Variants in VPS35 observed in about 807,000 individuals in gnomAD.
VPS35 encodes the protein vacuolar protein sorting-associated protein 35.
VPS35 carries 21 observed loss-of-function variants against 98.1 expected under a neutral mutation model. That is an observed-to-expected ratio of 0.21 (90% CI 0.15 to 0.31). The LOEUF (loss-of-function observed/expected upper bound fraction) is 0.31. Ranked by LOEUF, VPS35 falls within the 10% of genes least tolerant of loss-of-function variation. The pLI, the probability that VPS35 is intolerant of heterozygous loss-of-function variation, is 1.00. For missense variants in VPS35, 554 were observed against 950.8 expected (o/e 0.58, Z 5.49); for synonymous variants, 268 against 318.2 (o/e 0.84, Z 1.68).
In VPS35 at chr16:46,676,615, A is replaced by G; in HGVS notation, c.882T>C (p.Asn294=). 5 of 1,612,258 alleles carry G rather than the reference A, an allele frequency of 3.1e-6. No individual in the cohort carries two copies. Among genetic ancestry groups the G allele is most frequent in the Non-Finnish European group, 4.2e-6 (5 of 1,179,378 alleles). The change falls in exon 8 of 17, where the codon AAT becomes AAC. Residue 294 remains asparagine (N), a synonymous_variant. Transcript: ENST00000299138. ...TTAAAGCAATGATTATGTTCTTCACATTTACATTCTGGTGTAACTCAGCAC... is the reference window on the plus strand; with the variant it reads ...TTAAAGCAATGATTATGTTCTTCACGTTTACATTCTGGTGTAACTCAGCAC... ...RACAELHQNV[N]VKNIIIALID...
At chr16:46,680,612 T>A in intron 5 of VPS35, 59 bp downstream of exon 5, 1 of 1,557,860 alleles carries the variant, frequency 6.4e-7, no homozygotes, top group South Asian at 1.1e-5. Context: ...TTTCCACACT[T>A]TTATACATTC....
intron 1 of VPS35, among the ~76,000 whole-genome samples, chr16:46,684,756 C>T (rs1266853642): frequency 6.6e-6 from 1 of 152,116 alleles, no homozygotes; most frequent in Non-Finnish European, 1.5e-5. Context: ...TAAATGAATA[C>T]ACTGGTTTTA....
intron 13 of VPS35, among the ~76,000 whole-genome samples, chr16:46,663,947 G>A (rs1264983785): frequency 2.3e-5 from 3 of 130,602 alleles, no homozygotes; most frequent in Non-Finnish European, 4.6e-5. Flanking sequence ...CTGGCCCCGA[G>A]CAAACCTCCC....
In VPS35 at chr16:46,679,160, C is replaced by A. The variant is rs1966194569; in HGVS notation, c.507-4G>T. The A allele has an allele frequency of 1.3e-6, 2 of 1,598,576 alleles. No individual in the cohort carries two copies. The highest frequency in any genetic ancestry group is 1.3e-5 in the African/African-American group (1 of 74,550). On this transcript the variant is annotated splice_region_variant and splice_polypyrimidine_tract_variant and intron_variant, in intron 5 of 16. Coordinates refer to ENST00000299138, the MANE Select transcript of VPS35 (RefSeq NM_018206.6). ...GATGTCACCAGTTGTTTCTTCACTG[C>A]AAAGAAACAGAAAAGTCTTTACACA...
chr16:46,681,897 G>A (rs1379088752), intron 3 of VPS35, 182 bp downstream of exon 3: 2 of 602,888 alleles, frequency 3.3e-6, no homozygotes, highest in Non-Finnish European at 6.0e-6. Context: ...TTAAGCATAG[G>A]AAAGGAGTAC....
chr16:46,688,236 A>T (rs1261893872), intron 1 of VPS35: 1 of 854,338 alleles, frequency 1.2e-6, no homozygotes, highest in Admixed American at 6.2e-5. Flanking sequence ...TAAAGCGGAC[A>T]TACAGTATAT....
chr16:46,688,988 T>C (rs1487632068), intron 1 of VPS35, 143 bp downstream of exon 1: 3 of 1,539,834 alleles, frequency 1.9e-6, no homozygotes, highest in Admixed American at 3.9e-5. Context: ...TGCTGTCCCC[T>C]ATCCCGCAGG....
chr16:46,668,902 G>A (rs1966027527), intron 13 of VPS35, 28 bp downstream of exon 13: 1 of 1,613,262 alleles, frequency 6.2e-7, no homozygotes, highest in African/African-American at 1.3e-5. Context: ...AGGAAAAAAA[G>A]TACCTAAATA....
chr16:46,659,352 C>CAG lies in VPS35; in HGVS notation c.*1118_*1119dup, dbSNP rs1449842792. The CAG allele has an allele frequency of 2.0e-5, 3 of 152,332 alleles. No individual in the cohort carries two copies. The highest frequency in any genetic ancestry group is 4.4e-5 in the Non-Finnish European group (3 of 68,158). The allele number at this position is 152,332 out of a possible 1,614,324, so 9.4% of individuals were successfully genotyped here. On this transcript the variant is annotated 3_prime_UTR_variant, in exon 17 of 17. Transcript: ENST00000299138. ...CTAAGCTGCTCCCAAATTCCTGATC[C>CAG]AGAGACCTGTGAGATAAATGTTTGC... is the stretch of plus-strand genomic sequence containing the variant.
chr16:46,689,097 T>A, intron 1 of VPS35, 34 bp downstream of exon 1: 1 of 1,603,400 alleles, frequency 6.2e-7, no homozygotes, highest in South Asian at 1.1e-5. Flanking sequence ...ACAAGGAGGG[T>A]CGACCCAGGT....
At chr16:46,684,129 C>T (rs1966277904) in intron 1 of VPS35, among the ~76,000 whole-genome samples, 1 of 152,120 alleles carries the variant, frequency 6.6e-6, no homozygotes, top group African/African-American at 2.4e-5. Flanking sequence ...CAAAGAATTG[C>T]CTCTCTCTCA....
At chr16:46,675,338 T>A (rs1427981553) in intron 8 of VPS35, among the ~76,000 whole-genome samples, 1 of 152,214 alleles carries the variant, frequency 6.6e-6, no homozygotes, top group African/African-American at 2.4e-5. Flanking sequence ...TACTAAAGCT[T>A]GAAATACAAC....
chr16:46,660,363 G>A lies in VPS35; in HGVS notation c.*109C>T. The A allele has an allele frequency of 5.0e-6, 7 of 1,407,630 alleles. No individual in the cohort carries two copies. Among genetic ancestry groups the A allele is most frequent in the Middle Eastern group, 1.8e-4 (1 of 5,562 alleles). 87.2% of individuals were successfully genotyped at this position (1,407,630 alleles called of 1,614,324 possible). A position where few individuals can be genotyped will look rare whatever the true frequency, so the allele number is the denominator to read the frequency against. On this transcript the variant is annotated 3_prime_UTR_variant, in exon 17 of 17. Transcript: ENST00000299138. ...AAAACACATCACAGGTAAGAAATGG[G>A]AAACCTACCTCAGCATTTCTGAAAG...
rs977228813 is a variant in VPS35 at position 46,657,412 on chromosome 16, C to T, written c.*3060G>A. On this transcript the variant is annotated 3_prime_UTR_variant, in exon 17 of 17. Coordinates refer to ENST00000299138, the MANE Select transcript of VPS35 (RefSeq NM_018206.6). The stretch of plus-strand genomic sequence containing the variant: ...GAGAGAGCAAATGTTAACAGAAGAC[C>T]CCTCTGGAACCTAGACTTTGTGTTT... The T allele has an allele frequency of 2.6e-5, 4 of 152,082 alleles. No individual in the cohort carries two copies. Among genetic ancestry groups the T allele is most frequent in the African/African-American group, 9.7e-5 (4 of 41,394 alleles). The allele number at this position is 152,082 out of a possible 1,614,324, so 9.4% of individuals were successfully genotyped here.
At chr16:46,674,177 G>T in intron 10 of VPS35, 137 bp downstream of exon 10, 2 of 954,692 alleles carry the variant, frequency 2.1e-6, no homozygotes, top group Non-Finnish European at 3.2e-6. Flanking sequence ...TCTGCCCCTA[G>T]TAGTGCTAAG....
At chr16:46,688,476 C>A in intron 1 of VPS35, 1 of 987,322 alleles carries the variant, frequency 1.0e-6, no homozygotes, top group African/African-American at 1.7e-5. Context: ...ACAAAAGAGG[C>A]AAGGTGCGCC....
intron 10 of VPS35, 148 bp from the exon 11 acceptor site, chr16:46,672,620 A>G: frequency 1.5e-6 from 1 of 666,022 alleles, no homozygotes; most frequent in South Asian, 1.8e-5. Flanking sequence ...GACTATAACA[A>G]CCTCCTTTCA....
intron 1 of VPS35, chr16:46,688,411 T>C: frequency 1.0e-6 from 1 of 987,106 alleles, no homozygotes; most frequent in Non-Finnish European, 1.2e-6. Flanking sequence ...AGACGGGCCC[T>C]AAGGAGAAGT....
At chr16:46,665,278 A>C (rs944044284) in intron 13 of VPS35, among the ~76,000 whole-genome samples, 11 of 152,186 alleles carry the variant, frequency 7.2e-5, no homozygotes, top group African/African-American at 2.4e-4. Flanking sequence ...TTGTTAAAGC[A>C]ATCAGTTCTT....
Sources: allele counts gnomAD v4.1 joint callset (sites outside exome capture counted in the v4.1 genomes callset), GRCh38; gene constraint gnomAD v4.1.1; transcripts MANE v1.5; gene names NCBI Gene and HGNC (gene_info 2026-07-23, HGNC 2026-07-21).